Variants in GLIPR1L1 observed in about 807,000 individuals in gnomAD.
GLIPR1L1 encodes the protein GLIPR1 like 1.
Under a neutral mutation model 29.9 loss-of-function variants are expected in GLIPR1L1, and 26 were observed. The ratio of observed to expected loss-of-function variants is 0.87; its 90% CI spans 0.64 to 1.21. The LOEUF (loss-of-function observed/expected upper bound fraction) is 1.21, where lower values mean the gene tolerates loss of function less well. Among genes scored for constraint, GLIPR1L1 ranks in the 50% most tolerant of loss-of-function variants. GLIPR1L1 has a pLI of 0.00. For synonymous variants in GLIPR1L1, 77 were observed against 97.5 expected, an observed-to-expected ratio of 0.79 and a Z score of 1.24; for missense variants, 305 against 290.3, an observed-to-expected ratio of 1.05 and a Z score of -0.37.
At chr12:75,346,443 T>C (rs1273141253) in intron 2 of GLIPR1L1, among the ~76,000 whole-genome samples, 1 of 151,522 alleles carries the variant, frequency 6.6e-6, no homozygotes, top group Non-Finnish European at 1.5e-5. Flanking sequence ...CAGACTGGAG[T>C]ACAGTGGCGT....
chr12:75,339,878 G>A (rs985491683), intron 1 of GLIPR1L1, among the ~76,000 whole-genome samples: 12 of 151,956 alleles, frequency 7.9e-5, no homozygotes, highest in South Asian at 2.1e-4. Context: ...CATCGCCCAA[G>A]CAGTGCCCAA....
intron 3 of GLIPR1L1, among the ~76,000 whole-genome samples, chr12:75,348,682 T>G (rs781638043): frequency 6.6e-6 from 1 of 152,174 alleles, no homozygotes; most frequent in Non-Finnish European, 1.5e-5. Flanking sequence ...AAACAAATTA[T>G]GTACGTAACA....
At chr12:75,350,063 A>G (rs2042704171) in intron 3 of GLIPR1L1, among the ~76,000 whole-genome samples, 1 of 152,220 alleles carries the variant, frequency 6.6e-6, no homozygotes, top group African/African-American at 2.4e-5. Context: ...GGTGCCAGCA[A>G]GACTGACTGG....
chr12:75,341,602 A>G (rs1441167423), intron 1 of GLIPR1L1, among the ~76,000 whole-genome samples: 1 of 151,204 alleles, frequency 6.6e-6, no homozygotes, highest in Non-Finnish European at 1.5e-5. Context: ...GCCCGCCACC[A>G]CGCCCGCAGA....
intron 3 of GLIPR1L1, among the ~76,000 whole-genome samples, chr12:75,351,463 G>A (rs2042804765): frequency 6.6e-6 from 1 of 152,100 alleles, no homozygotes; most frequent in Non-Finnish European, 1.5e-5. Flanking sequence ...ACAAAGGGAA[G>A]CCCATCAGAC....
At chr12:75,344,505 T>A (rs1565963036) in intron 2 of GLIPR1L1, among the ~76,000 whole-genome samples, 1 of 152,158 alleles carries the variant, frequency 6.6e-6, no homozygotes, top group Non-Finnish European at 1.5e-5. Context: ...ATACCTAATA[T>A]GTTTTCTCTT....
chr12:75,352,131 T>A (rs1044545809), intron 3 of GLIPR1L1, among the ~76,000 whole-genome samples: 1 of 152,236 alleles, frequency 6.6e-6, no homozygotes, highest in Admixed American at 6.5e-5. Flanking sequence ...AGCATCATGA[T>A]GACAGGATCA....
At position 75,343,727 on chromosome 12, in the gene GLIPR1L1, C is replaced by T. The variant is rs140518960; in HGVS notation, c.209C>T (p.Ala70Val). 2.0e-4 allele frequency: 323 copies of T among 1,611,528 alleles called. 3 individuals are homozygous for T. The highest frequency in any genetic ancestry group is 1.3e-3 in the Admixed American group (78 of 59,858). ...WDKGLAKMAKAWANQCKFEHN... is the reference protein window; with the variant it reads ...WDKGLAKMAKVWANQCKFEHN... ...AAAGGTTTAGCAAAGATGGCTAAAG[C>T]ATGGGCAAACCAGTGCAAATTTGAA... Residue 70 changes from alanine (A) to valine (V), a missense_variant, in exon 2 of 6, where the codon GCA becomes GTA. Ala to Val is a moderately conservative substitution (Grantham distance 64, BLOSUM62 0). Transcript: ENST00000378695.
intron 1 of GLIPR1L1, among the ~76,000 whole-genome samples, chr12:75,335,894 A>C (rs1283380848): frequency 1.3e-5 from 2 of 152,126 alleles, no homozygotes; most frequent in East Asian, 1.9e-4. Context: ...AATATGGTTG[A>C]TGCCTTTAGA....
At position 75,334,846 on chromosome 12, in the gene GLIPR1L1, G is replaced by A; in HGVS notation, c.118G>A (p.Ala40Thr). 6.2e-7 allele frequency: 1 copy of A among 1,614,058 alleles called. No individual in the cohort carries two copies. The highest frequency in any genetic ancestry group is 8.5e-7 in the Non-Finnish European group (1 of 1,180,018). ...ACACTTTATAGACAACTGCATAGAA[G>A]CCCACAACGAATGGCGTGGCAAAGT... ...DPHFIDNCIE[A>T]HNEWRGKVNP... The change falls in exon 1 of 6, where the codon GCC becomes ACC. Residue 40 changes from alanine (A) to threonine (T), a missense_variant. Ala to Thr is a moderately conservative substitution (Grantham distance 58). Coordinates refer to ENST00000378695, the MANE Select transcript of GLIPR1L1 (RefSeq NM_001304964.2).
chr12:75,334,883 C>T lies in GLIPR1L1; in HGVS notation c.155C>T (p.Ala52Val). Reference sequence around the variant, plus strand: ...TGGCGTGGCAAAGTCAACCCTCCCGCGGCCGACATGAAATACATGGTGAGA... The same window carrying T: ...TGGCGTGGCAAAGTCAACCCTCCCGTGGCCGACATGAAATACATGGTGAGA... ...NEWRGKVNPP[A>V]ADMKYMIWDK... The change falls in exon 1 of 6, where the codon GCG becomes GTG. Residue 52 changes from alanine (A) to valine (V), a missense_variant. Physicochemically the swap from Ala to Val is moderately conservative, Grantham distance 64. Coordinates refer to ENST00000378695, the MANE Select transcript of GLIPR1L1 (RefSeq NM_001304964.2). 6.2e-7 allele frequency: 1 copy of T among 1,613,948 alleles called. No homozygotes were observed. Among genetic ancestry groups the T allele is most frequent in the Non-Finnish European group, 8.5e-7 (1 of 1,179,884 alleles).
chr12:75,351,001 T>C lies in GLIPR1L1; in HGVS notation c.521+3279T>C, dbSNP rs148733240. The stretch of plus-strand genomic sequence containing the variant: ...AGAATAACCAGTTTAGAGAGGAACA[T>C]AAATGAACTGATGGAGCTGTAAAAC... On this transcript the variant is annotated intron_variant, in intron 3 of 5. Transcript: ENST00000378695. Among the ~76,000 whole-genome samples the C allele has an allele frequency of 1.1e-3, 173 of 152,256 alleles. 2 individuals are homozygous for C. Among genetic ancestry groups the C allele is most frequent in the South Asian group, 9.5e-3 (46 of 4,830 alleles).
In GLIPR1L1 at chr12:75,370,231, TGC is replaced by T; in HGVS notation, c.*56_*57del. ...ATGTTAAAATAAAGGAATAGTTTAT[TGC>T]TTAATATAACTTATCATCACTTTGC... On this transcript the variant is annotated 3_prime_UTR_variant, in exon 6 of 6. Coordinates refer to ENST00000378695, the MANE Select transcript of GLIPR1L1 (RefSeq NM_001304964.2). The T allele has an allele frequency of 1.5e-5, 14 of 907,426 alleles. No individual in the cohort carries two copies. The highest frequency in any genetic ancestry group is 2.0e-5 in the Non-Finnish European group (11 of 558,766). 56.2% of individuals were successfully genotyped at this position (907,426 alleles called of 1,614,324 possible).
chr12:75,348,776 A>G (rs2042615766), intron 3 of GLIPR1L1, among the ~76,000 whole-genome samples: 1 of 152,240 alleles, frequency 6.6e-6, no homozygotes, highest in Admixed American at 6.5e-5. Context: ...ATACCCTGTC[A>G]CTTGAAACAA....
Position 75,343,770 on chromosome 12 carries a change from T to A in GLIPR1L1, c.252T>A (p.Asp84Glu). 1 of 1,613,100 alleles carries A rather than the reference T, an allele frequency of 6.2e-7. No individual in the cohort carries two copies. The highest frequency in any genetic ancestry group is 8.5e-7 in the Non-Finnish European group (1 of 1,179,216). ...AATTTGAACATAATGACTGTTTGGA[T>A]AAATCATATAAATGCTATGCAGCTT... ...QCKFEHNDCL[D>E]KSYKCYAAFE... Residue 84 changes from aspartate (D) to glutamate (E), a missense_variant, in exon 2 of 6, where the codon GAT becomes GAA. By Grantham distance (45) the Asp-to-Glu change is conservative. Transcript: ENST00000378695.
chr12:75,365,679 C>T (rs1429461557), intron 4 of GLIPR1L1, among the ~76,000 whole-genome samples: 1 of 152,056 alleles, frequency 6.6e-6, no homozygotes, highest in African/African-American at 2.4e-5. Flanking sequence ...TATTCTATTA[C>T]ATTTACCTCA....
At chr12:75,357,945 G>A (rs2043260313) in intron 3 of GLIPR1L1, among the ~76,000 whole-genome samples, 1 of 148,142 alleles carries the variant, frequency 6.8e-6, no homozygotes, top group Non-Finnish European at 1.5e-5. Context: ...GAAACTAGGG[G>A]ACAAAAAAGA....
chr12:75,342,533 T>C (rs2095089178), intron 1 of GLIPR1L1, among the ~76,000 whole-genome samples: 1 of 152,220 alleles, frequency 6.6e-6, no homozygotes, highest in Non-Finnish European at 1.5e-5. Context: ...CTGGACTCTG[T>C]TCTGTTCCAT....
In GLIPR1L1 at chr12:75,369,966, C is replaced by A; in HGVS notation, c.617C>A (p.Pro206Gln). The A allele has an allele frequency of 9.2e-7, 1 of 1,091,078 alleles. No homozygotes were observed. The highest frequency in any genetic ancestry group is 1.3e-6 in the Non-Finnish European group (1 of 766,710). 67.6% of individuals were successfully genotyped at this position (1,091,078 alleles called of 1,614,324 possible). ...EKCVKNLCRTPQLIIPNQNPF... is the reference protein window; with the variant it reads ...EKCVKNLCRTQQLIIPNQNPF... Reference sequence around the variant, plus strand: ...ACTTTAATTTTTACTTTAGGGACTCCACAACTTATTATACCTAACCGTATG... The same window carrying A: ...ACTTTAATTTTTACTTTAGGGACTCAACAACTTATTATACCTAACCGTATG... The change falls in exon 5 of 6, where the codon CCA becomes CAA. Residue 206 changes from proline (P) to glutamine (Q), a missense_variant. By Grantham distance (76) the Pro-to-Gln change is moderately conservative. Transcript: ENST00000378695.
Sources: gnomAD v4.1 joint callset for allele counts (sites outside exome capture counted in the v4.1 genomes callset) on GRCh38, gnomAD v4.1.1 for gene constraint, MANE v1.5 for transcripts, NCBI Gene and HGNC (gene_info 2026-07-23, HGNC 2026-07-21) for gene names.